PCDHGA3: variants seen among roughly 807,000 people sequenced by gnomAD.
PCDHGA3 encodes protocadherin gamma-A3.
In PCDHGA3, 40 loss-of-function variants were observed where a neutral mutation model predicts 58.5. That is an observed-to-expected ratio of 0.68 (90% confidence interval 0.53 to 0.89). The LOEUF is 0.89. Ranked by LOEUF, PCDHGA3 falls within the 40% of genes least tolerant of loss-of-function variation. PCDHGA3 has a pLI of 0.00. For missense variants in PCDHGA3, 1,223 were observed against 1,195.9 expected (o/e 1.02, Z -0.33); for synonymous variants, 530 against 525.7 (o/e 1.01, Z -0.11).
In PCDHGA3 at chr5:141,372,187, C is replaced by T. The variant is rs368451043; in HGVS notation, c.2424+25730C>T. ...AAGGTGGTGGCGGTGGACGCAGACT[C>T]GGGATACAACGCCTGGCTGTCCTAC... On this transcript the variant is annotated intron_variant, in intron 1 of 3. Coordinates refer to ENST00000253812, the MANE Select transcript of PCDHGA3 (RefSeq NM_018916.4). 5 of 1,613,508 alleles carry T rather than the reference C, an allele frequency of 3.1e-6. No homozygotes were observed. The highest frequency in any genetic ancestry group is 4.2e-6 in the Non-Finnish European group (5 of 1,179,930).
intron 1 of PCDHGA3, chr5:141,392,398 C>T (rs926356717): frequency 1.3e-5 from 2 of 155,550 alleles, no homozygotes; most frequent in African/African-American, 4.8e-5. Context: ...CATTTAATAA[C>T]ACTAAATAAA....
At chr5:141,461,819 A>T (rs573339238) in intron 1 of PCDHGA3, among the ~76,000 whole-genome samples, 68 of 149,282 alleles carry the variant, frequency 4.6e-4, no homozygotes, top group Non-Finnish European at 9.5e-4. Flanking sequence ...ACACCCAGCT[A>T]ATTTTTTTTT....
chr5:141,434,906 C>A lies in PCDHGA3; in HGVS notation c.2425-59901C>A, dbSNP rs1044434492. ...AACAATCCAGTCCCCTTCCCTCATA[C>A]CTTATTTATGTACATATATTTTATA... On this transcript the variant is annotated intron_variant, in intron 1 of 3. Coordinates refer to ENST00000253812, the MANE Select transcript of PCDHGA3 (RefSeq NM_018916.4). Among the ~76,000 whole-genome samples the A allele has an allele frequency of 2.0e-5, 3 of 151,752 alleles. No individual in the cohort carries two copies. In the South Asian group the frequency reaches 6.2e-4, roughly 32 times the overall value.
rs1057374827 is a variant in PCDHGA3, at chr5:141,485,503, C to G, written c.2425-9304C>G. 3.1e-6 allele frequency: 5 copies of G among 1,613,978 alleles called. No homozygotes were observed. Among genetic ancestry groups the G allele is most frequent in the Non-Finnish European group, 4.2e-6 (5 of 1,180,016 alleles). On this transcript the variant is annotated intron_variant, in intron 1 of 3. Coordinates refer to ENST00000253812, the MANE Select transcript of PCDHGA3 (RefSeq NM_018916.4). This position sits in a 1 kb window ranked among gnomAD's most constrained non-coding sequence, Gnocchi z 5.7. ...GCATCGTGCCCCTGGAGTTTGTCACCGAAGGTCCTTTGGAAATGTACCGAG... is the reference window on the plus strand; with the variant it reads ...GCATCGTGCCCCTGGAGTTTGTCACGGAAGGTCCTTTGGAAATGTACCGAG...
chr5:141,442,472 C>T (rs1032989256), intron 1 of PCDHGA3: 1 of 152,204 alleles, frequency 6.6e-6, no homozygotes, highest in Non-Finnish European at 1.5e-5. Context: ...GCAGAAAGCC[C>T]CTTGGGGAAG....
At chr5:141,383,870 G>A in intron 1 of PCDHGA3, 1 of 1,613,960 alleles carries the variant, frequency 6.2e-7, no homozygotes, top group Non-Finnish European at 8.5e-7. Context: ...GCTCAAGATG[G>A]TCCTGGTAGT....
intron 1 of PCDHGA3, chr5:141,361,248 G>T (rs376049174): frequency 6.2e-7 from 1 of 1,613,958 alleles, no homozygotes; most frequent in Non-Finnish European, 8.5e-7. Flanking sequence ...TGATAAAAAC[G>T]AGAGACAGAG....
rs750687055 is a variant in PCDHGA3 at position 141,383,137 on chromosome 5, C to G, written c.2424+36680C>G. The G allele has an allele frequency of 2.5e-5, 40 of 1,613,994 alleles. No individual in the cohort carries two copies. In the Admixed American group the frequency reaches 3.2e-4, roughly 13 times the overall value. On this transcript the variant is annotated intron_variant, in intron 1 of 3. Transcript: ENST00000253812. Reference sequence around the variant, plus strand: ...GACGCAGCTTTTCGCCCTGAACCAGCGCAGCGGCAGCTTGGTCACTGCGGG... The same window carrying G: ...GACGCAGCTTTTCGCCCTGAACCAGGGCAGCGGCAGCTTGGTCACTGCGGG...
chr5:141,405,527 C>T (rs1055420196), intron 1 of PCDHGA3: 7 of 670,510 alleles, frequency 1.0e-5, no homozygotes, highest in Non-Finnish European at 1.8e-5. Flanking sequence ...TCAAGCGATT[C>T]TCCTGCCTCA....
At chr5:141,435,516 C>T (rs2097767967) in intron 1 of PCDHGA3, among the ~76,000 whole-genome samples, 1 of 152,058 alleles carries the variant, frequency 6.6e-6, no homozygotes, top group Non-Finnish European at 1.5e-5. Context: ...CTAATGATGA[C>T]TTTGTGGAAT....
Position 141,490,220 on chromosome 5 carries a change from A to G in PCDHGA3, c.2425-4587A>G. 6.2e-7 allele frequency: 1 copy of G among 1,614,252 alleles called. No individual in the cohort carries two copies. Among genetic ancestry groups the G allele is most frequent in the Non-Finnish European group, 8.5e-7 (1 of 1,180,044 alleles). On this transcript the variant is annotated intron_variant, in intron 1 of 3. Coordinates refer to ENST00000253812, the MANE Select transcript of PCDHGA3 (RefSeq NM_018916.4). This position sits in a 1 kb window ranked among gnomAD's most constrained non-coding sequence, Gnocchi z 5.4. The stretch of plus-strand genomic sequence containing the variant: ...CATGCAAGAGCCCGTGACCAGGGAC[A>G]GCCTGCCATGGAGGGCCACTGTGTG...
intron 1 of PCDHGA3, chr5:141,418,548 T>C: frequency 6.2e-7 from 1 of 1,613,964 alleles, no homozygotes; most frequent in Non-Finnish European, 8.5e-7. Flanking sequence ...CAGATAAGAA[T>C]CCTGGTAATA....
chr5:141,431,571 A>T lies in PCDHGA3; in HGVS notation c.2425-63236A>T, dbSNP rs781289120. 1.2e-6 allele frequency: 2 copies of T among 1,614,026 alleles called. No homozygotes were observed. Among genetic ancestry groups the T allele is most frequent in the African/African-American group, 1.3e-5 (1 of 74,938 alleles). On this transcript the variant is annotated intron_variant, in intron 1 of 3. Coordinates refer to ENST00000253812, the MANE Select transcript of PCDHGA3 (RefSeq NM_018916.4). This position sits in a 1 kb window ranked among gnomAD's most constrained non-coding sequence, Gnocchi z 4.8. ...GTAGTCAACGCTACCGACCCTGACG[A>T]AGGAGTCAATGCGGAAGTGAGGTAT...
chr5:141,470,622 A>G (rs1323376824), intron 1 of PCDHGA3, among the ~76,000 whole-genome samples: 6 of 152,336 alleles, frequency 3.9e-5, no homozygotes, highest in Admixed American at 6.5e-5. Flanking sequence ...CTTCATGCTT[A>G]GATAGGCCCC....
At chr5:141,441,911 T>TGAG in intron 1 of PCDHGA3, 1 of 348,148 alleles carries the variant, frequency 2.9e-6, no homozygotes, top group Non-Finnish European at 5.5e-6. Context: ...GACGCAGATG[T>TGAG]GAGACACAAT....
chr5:141,357,619 C>T, intron 1 of PCDHGA3: 1 of 1,613,696 alleles, frequency 6.2e-7, no homozygotes, highest in Non-Finnish European at 8.5e-7. Flanking sequence ...CCCTAATCTT[C>T]AGGTGAGTCA....
intron 1 of PCDHGA3, chr5:141,393,987 T>C (rs1361027983): frequency 1.2e-6 from 2 of 1,613,490 alleles, no homozygotes; most frequent in Admixed American, 3.3e-5. Flanking sequence ...TAATTTACCT[T>C]TTAAATTAGA....
At chr5:141,382,762 C>T in intron 1 of PCDHGA3, 1 of 690,986 alleles carries the variant, frequency 1.4e-6, no homozygotes, top group Non-Finnish European at 2.4e-6. Context: ...AAGCCCTCTT[C>T]CAGGCTGCAC....
At chr5:141,360,081 C>T in intron 1 of PCDHGA3, 6 of 1,486,284 alleles carry the variant, frequency 4.0e-6, no homozygotes, top group Admixed American at 2.5e-5. Flanking sequence ...CCGGATTCTG[C>T]CATCCCCGGA....
Sources: gnomAD v4.1 joint callset for allele counts (sites outside exome capture counted in the v4.1 genomes callset) on GRCh38, gnomAD v4.1.1 for gene constraint, Gnocchi (gnomAD v3.1) non-coding constraint, MANE v1.5 for transcripts, NCBI Gene and HGNC (gene_info 2026-07-23, HGNC 2026-07-21) for gene names.